The following CTNNA2 variants were observed in gnomAD, a reference collection of about 807,000 sequenced individuals.
The protein encoded by CTNNA2 is catenin alpha-2.
A neutral mutation model predicts 101.0 loss-of-function variants in CTNNA2; 42 were observed. The observed-to-expected ratio is 0.42, with a 90% confidence interval of 0.32 to 0.54. The LOEUF is 0.54. Ranked by LOEUF, CTNNA2 falls within the 20% of genes least tolerant of loss-of-function variation. The probability of loss-of-function intolerance (pLI) is 0.14; values close to 1 mark genes in which losing one functional copy is unlikely to be tolerated. For missense variants in CTNNA2, 871 were observed against 1,223.1 expected, an observed-to-expected ratio of 0.71 and a Z score of 4.29; for synonymous variants, 450 against 456.4, an observed-to-expected ratio of 0.99 and a Z score of 0.18.
chr2:79,552,876 C>G lies in CTNNA2; in HGVS notation c.-6+39669C>G, dbSNP rs746518134. ...AAACCATTTTTCCCTCCTAGGCCTC[C>G]AGGCCTGTAATGGGAGGGGCTGCCA... On this transcript the variant is annotated intron_variant, in intron 1 of 18. Coordinates refer to ENST00000402739, the MANE Select transcript of CTNNA2 (RefSeq NM_001282597.3). Among the ~76,000 whole-genome samples the G allele has an allele frequency of 3.2e-4, 49 of 152,216 alleles. 1 individual carries two copies. Among genetic ancestry groups the G allele is most frequent in the Non-Finnish European group, 4.4e-4 (30 of 68,040 alleles).
rs565853912 is a variant in CTNNA2 at position 80,166,985 on chromosome 2, CCTT to C, written c.1057-226223_1057-226221del. ...GAAAACCCAGGGGACTCACCACTGT[CCTT>C]CTACAGATCCTGTAATCCCTAGCCA... On this transcript the variant is annotated intron_variant, in intron 7 of 18. Coordinates refer to ENST00000402739, the MANE Select transcript of CTNNA2 (RefSeq NM_001282597.3). Among the ~76,000 whole-genome samples, 273 of 152,100 alleles carry C rather than the reference CCTT, an allele frequency of 1.8e-3. 6 individuals carry two copies. Among genetic ancestry groups the C allele is most frequent in the East Asian group, 4.7e-3 (24 of 5,154 alleles).
chr2:80,004,609 T>A (rs1693196113), intron 7 of CTNNA2, among the ~76,000 whole-genome samples: 1 of 152,200 alleles, frequency 6.6e-6, no homozygotes, highest in Admixed American at 6.5e-5. Flanking sequence ...AGAGGTTGGA[T>A]AATCTGTTCA....
chr2:79,947,731 C>T (rs1688601452), intron 7 of CTNNA2, among the ~76,000 whole-genome samples: 1 of 152,112 alleles, frequency 6.6e-6, no homozygotes, highest in Non-Finnish European at 1.5e-5. Context: ...AGGATACACC[C>T]TCTGTTCCCT....
At chr2:79,398,357 C>G (rs978169103) in intron 4 of CTNNA2, among the ~76,000 whole-genome samples, 1 of 152,056 alleles carries the variant, frequency 6.6e-6, no homozygotes, top group African/African-American at 2.4e-5. Context: ...CATGATTTTT[C>G]AAATTTATGC....
intron 2 of CTNNA2, among the ~76,000 whole-genome samples, chr2:79,665,069 C>A (rs1682317833): frequency 6.6e-6 from 1 of 152,086 alleles, no homozygotes; most frequent in Non-Finnish European, 1.5e-5. Context: ...TTTCTTGTCA[C>A]TCCTACCTTG....
At chr2:79,939,963 A>G (rs1688042492) in intron 7 of CTNNA2, among the ~76,000 whole-genome samples, 1 of 152,054 alleles carries the variant, frequency 6.6e-6, no homozygotes, top group Non-Finnish European at 1.5e-5. Context: ...GTGGTGGCAT[A>G]TGCCTGCAGT....
At chr2:79,334,331 T>A (rs980437351) in intron 3 of CTNNA2, among the ~76,000 whole-genome samples, 1 of 151,948 alleles carries the variant, frequency 6.6e-6, no homozygotes, top group African/African-American at 2.4e-5. Context: ...CTAAAGAGTA[T>A]AACTCCAAAA....
chr2:80,600,512 A>T (rs1016118500), intron 15 of CTNNA2, among the ~76,000 whole-genome samples: 1 of 152,274 alleles, frequency 6.6e-6, no homozygotes, highest in East Asian at 1.9e-4. Flanking sequence ...GAAAGAGTCA[A>T]TAGAAACATA....
chr2:80,313,676 G>GA (rs773450705), intron 7 of CTNNA2: 7 of 1,569,704 alleles, frequency 4.5e-6, no homozygotes, highest in Non-Finnish European at 5.2e-6. Flanking sequence ...AAGGGGGTAA[G>GA]AAAGGAGTGT....
chr2:80,458,310 G>T (rs1447218056), intron 9 of CTNNA2, among the ~76,000 whole-genome samples: 2 of 152,084 alleles, frequency 1.3e-5, no homozygotes, highest in Admixed American at 6.6e-5. Context: ...ATGACCTATT[G>T]TGTATTAATC....
At chr2:80,392,045 A>T (rs1677562649) in intron 7 of CTNNA2, among the ~76,000 whole-genome samples, 1 of 152,230 alleles carries the variant, frequency 6.6e-6, no homozygotes, top group Non-Finnish European at 1.5e-5. Flanking sequence ...GAGAAGAGTG[A>T]CTACTTTAAA....
At chr2:80,586,280 A>G (rs1695964833) in intron 14 of CTNNA2, 1 of 152,234 alleles carries the variant, frequency 6.6e-6, no homozygotes, top group African/African-American at 2.4e-5. Context: ...CAAGTGCTAT[A>G]GTTGACAGAG....
At chr2:80,423,959 G>T (rs1416661200) in intron 9 of CTNNA2, among the ~76,000 whole-genome samples, 3 of 151,800 alleles carry the variant, frequency 2.0e-5, no homozygotes, top group African/African-American at 7.3e-5. Context: ...GTCAGCAAAC[G>T]TTCTTTTTTT....
At chr2:79,262,612 A>C (rs1232099040) in intron 2 of CTNNA2, among the ~76,000 whole-genome samples, 3 of 152,140 alleles carry the variant, frequency 2.0e-5, no homozygotes, top group Admixed American at 6.5e-5. Flanking sequence ...GATCATCACC[A>C]TCACCATCAC....
rs147260377 is a variant in CTNNA2 at position 80,124,525 on chromosome 2, A to G, written c.1056+214728A>G. On this transcript the variant is annotated intron_variant, in intron 7 of 18. Coordinates refer to ENST00000402739, the MANE Select transcript of CTNNA2 (RefSeq NM_001282597.3). ...ATATTCTTTATAAAATATGCTCTCTATTAGAATATATCCTCATTTTTTTCC... is the reference window on the plus strand; with the variant it reads ...ATATTCTTTATAAAATATGCTCTCTGTTAGAATATATCCTCATTTTTTTCC... Among the ~76,000 whole-genome samples, 26 of 152,262 alleles carry G rather than the reference A, an allele frequency of 1.7e-4. No homozygotes were observed. In the East Asian group the frequency reaches 5.0e-3, roughly 29 times the overall value.
At chr2:79,945,253 C>A (rs562121714) in intron 7 of CTNNA2, among the ~76,000 whole-genome samples, 1 of 152,192 alleles carries the variant, frequency 6.6e-6, no homozygotes, top group African/African-American at 2.4e-5. Context: ...GTTGCCCAGG[C>A]TGGTCTTACA....
intron 9 of CTNNA2, among the ~76,000 whole-genome samples, chr2:80,458,441 A>T (rs1217678630): frequency 2.6e-5 from 4 of 152,190 alleles, no homozygotes; most frequent in Non-Finnish European, 5.9e-5. Flanking sequence ...AATTTATGTT[A>T]AAAAATAACA....
At chr2:79,782,854 C>A (rs1032823258) in intron 3 of CTNNA2, among the ~76,000 whole-genome samples, 1 of 152,102 alleles carries the variant, frequency 6.6e-6, no homozygotes, top group African/African-American at 2.4e-5. Context: ...AAATTGACAG[C>A]CAATGGAATT....
intron 7 of CTNNA2, among the ~76,000 whole-genome samples, chr2:80,343,300 T>C (rs1032844279): frequency 1.3e-5 from 2 of 151,940 alleles, no homozygotes; most frequent in African/African-American, 4.8e-5. Context: ...AGGAATCCAT[T>C]GTAATGAGGC....
Sources: gnomAD v4.1 joint callset for allele counts (sites outside exome capture counted in the v4.1 genomes callset) on GRCh38, gnomAD v4.1.1 for gene constraint, MANE v1.5 for transcripts, NCBI Gene and HGNC (gene_info 2026-07-23, HGNC 2026-07-21) for gene names.